EYA4: variants seen among roughly 807,000 people sequenced by gnomAD.
EYA4 encodes protein phosphatase EYA4.
EYA4 carries 31 observed loss-of-function variants against 87.9 expected under a neutral mutation model. The ratio of observed to expected loss-of-function variants is 0.35; its 90% CI spans 0.27 to 0.48. The LOEUF (loss-of-function observed/expected upper bound fraction) is 0.48, where lower values mean the gene tolerates loss of function less well. Among genes scored for constraint, EYA4 ranks in the 20% least tolerant of loss-of-function variants. EYA4 has a pLI of 0.99. For missense variants in EYA4, 678 were observed against 761.4 expected, an observed-to-expected ratio of 0.89 and a Z score of 1.29; for synonymous variants, 263 against 270.6, an observed-to-expected ratio of 0.97 and a Z score of 0.28.
chr6:133,339,980 A>C (rs1437629160), intron 2 of EYA4, among the ~76,000 whole-genome samples: 1 of 152,154 alleles, frequency 6.6e-6, no homozygotes, highest in Non-Finnish European at 1.5e-5. Flanking sequence ...AACAACAAGT[A>C]GGTTTGGAAG....
intron 2 of EYA4, among the ~76,000 whole-genome samples, chr6:133,300,622 C>T (rs900654977): frequency 1.3e-5 from 2 of 152,096 alleles, no homozygotes; most frequent in Non-Finnish European, 2.9e-5. Flanking sequence ...TCAAGCAACT[C>T]CCCTGCCTCA....
intron 1 of EYA4, among the ~76,000 whole-genome samples, chr6:133,241,969 C>G (rs1401876256): frequency 1.3e-5 from 2 of 152,202 alleles, no homozygotes; most frequent in Non-Finnish European, 2.9e-5. Flanking sequence ...GCTCGGACCG[C>G]AGCGGTGCTC....
At chr6:133,446,270 T>G (rs1414464431) in intron 3 of EYA4, among the ~76,000 whole-genome samples, 1 of 152,172 alleles carries the variant, frequency 6.6e-6, no homozygotes, top group Non-Finnish European at 1.5e-5. Flanking sequence ...CTTACAGTAT[T>G]ATATGGAATA....
intron 2 of EYA4, among the ~76,000 whole-genome samples, chr6:133,305,643 G>A (rs763955959): frequency 6.6e-6 from 1 of 152,104 alleles, no homozygotes; most frequent in Non-Finnish European, 1.5e-5. Context: ...TTAGCCAAGA[G>A]CATTCATGGT....
At chr6:133,447,444 T>C (rs1792964287) in intron 4 of EYA4, among the ~76,000 whole-genome samples, 1 of 152,176 alleles carries the variant, frequency 6.6e-6, no homozygotes. Context: ...TGTGTGTTTG[T>C]AGAGATTATG....
intron 4 of EYA4, 133 bp from the exon 5 acceptor site, chr6:133,447,978 T>C: frequency 1.4e-6 from 1 of 712,766 alleles, no homozygotes; most frequent in East Asian, 2.7e-5. Context: ...CCTGATAAAC[T>C]AAAATGTTGA....
chr6:133,286,923 G>T (rs138103636), intron 2 of EYA4, among the ~76,000 whole-genome samples: 1 of 152,172 alleles, frequency 6.6e-6, no homozygotes, highest in African/African-American at 2.4e-5. Context: ...GTGCTGTCCT[G>T]TACATTGTGT....
intron 6 of EYA4, among the ~76,000 whole-genome samples, chr6:133,456,872 C>T (rs1406099855): frequency 6.6e-6 from 1 of 152,112 alleles, no homozygotes; most frequent in East Asian, 1.9e-4. Flanking sequence ...GCAAAAGTCC[C>T]ATGACTTTCT....
intron 1 of EYA4, among the ~76,000 whole-genome samples, chr6:133,243,744 A>C (rs548428895): frequency 2.7e-5 from 4 of 150,852 alleles, no homozygotes; most frequent in South Asian, 4.2e-4. Context: ...GAATCCCCCC[A>C]AAAAATATTT....
intron 2 of EYA4, among the ~76,000 whole-genome samples, chr6:133,357,877 TA>T (rs1265677135): frequency 4.0e-5 from 6 of 151,842 alleles, no homozygotes; most frequent in Non-Finnish European, 8.8e-5. Context: ...ATATAATACT[TA>T]TGTAATCATT....
chr6:133,443,718 A>G (rs1415482673), intron 3 of EYA4, among the ~76,000 whole-genome samples: 2 of 151,962 alleles, frequency 1.3e-5, no homozygotes, highest in Admixed American at 1.3e-4. Context: ...TGATCTTTTC[A>G]TTATCATTTT....
intron 19 of EYA4, among the ~76,000 whole-genome samples, chr6:133,525,554 T>C (rs1800568300): frequency 6.6e-6 from 1 of 152,178 alleles, no homozygotes; most frequent in East Asian, 1.9e-4. Context: ...TGTATACACA[T>C]GCTTATATAG....
intron 3 of EYA4, chr6:133,435,353 AC>A (rs1487101597): frequency 1.3e-5 from 2 of 152,322 alleles, no homozygotes; most frequent in African/African-American, 4.8e-5. Flanking sequence ...GGTCACTGGC[AC>A]ATTTCAAGAA....
chr6:133,441,225 T>C (rs1299001163), intron 3 of EYA4, among the ~76,000 whole-genome samples: 2 of 152,206 alleles, frequency 1.3e-5, no homozygotes, highest in Non-Finnish European at 2.9e-5. Flanking sequence ...GCTTCAGATA[T>C]CCTGGTCCTT....
At chr6:133,282,954 C>A (rs1363064344) in intron 2 of EYA4, among the ~76,000 whole-genome samples, 4 of 152,060 alleles carry the variant, frequency 2.6e-5, no homozygotes, top group Non-Finnish European at 5.9e-5. Flanking sequence ...TCTGAACTTA[C>A]AATTTACATA....
At chr6:133,390,714 G>A (rs531704813) in intron 3 of EYA4, among the ~76,000 whole-genome samples, 1 of 152,264 alleles carries the variant, frequency 6.6e-6, no homozygotes, top group Admixed American at 6.5e-5. Context: ...GTATCATAGA[G>A]TAAAATCATG....
At chr6:133,265,285 CTGT>C (rs1209674194) in intron 1 of EYA4, among the ~76,000 whole-genome samples, 6 of 151,504 alleles carry the variant, frequency 4.0e-5, no homozygotes, top group African/African-American at 1.5e-4. Context: ...GCGGTTTTTG[CTGT>C]TACTTTCAGT....
intron 17 of EYA4, 51 bp from the exon 18 acceptor site, chr6:133,523,005 G>C: frequency 3.4e-6 from 5 of 1,485,242 alleles, no homozygotes; most frequent in Non-Finnish European, 3.8e-6. Flanking sequence ...AAATCTATTA[G>C]AAGTTATTTA....
At chr6:133,512,809 C>T (rs749144454) in intron 15 of EYA4, 30 bp downstream of exon 15, 15 of 1,611,148 alleles carry the variant, frequency 9.3e-6, no homozygotes, top group Non-Finnish European at 1.3e-5. Flanking sequence ...ATGCTGTTTC[C>T]TACAGAAATT....
Sources: gnomAD v4.1 joint callset for allele counts (sites outside exome capture counted in the v4.1 genomes callset) on GRCh38, gnomAD v4.1.1 for gene constraint, MANE v1.5 for transcripts, NCBI Gene and HGNC (gene_info 2026-07-23, HGNC 2026-07-21) for gene names.